The following ANGPT2 variants were observed in gnomAD, a reference collection of about 807,000 sequenced individuals.
ANGPT2 encodes the protein angiopoietin-2.
ANGPT2 carries 28 observed loss-of-function variants against 62.9 expected under a neutral mutation model. That is an observed-to-expected ratio of 0.44 (90% CI 0.33 to 0.61). The LOEUF (loss-of-function observed/expected upper bound fraction) is 0.61. Among genes scored for constraint, ANGPT2 ranks in the 20% least tolerant of loss-of-function variants. The pLI, the probability that ANGPT2 is intolerant of heterozygous loss-of-function variation, is 0.03. For missense variants in ANGPT2, 727 were observed against 594.9 expected, an observed-to-expected ratio of 1.22 and a Z score of -2.31; for synonymous variants, 284 against 207.8, an observed-to-expected ratio of 1.37 and a Z score of -3.15.
At chr8:6,561,216 G>A (rs776459400) in intron 1 of ANGPT2, among the ~76,000 whole-genome samples, 17 of 152,200 alleles carry the variant, frequency 1.1e-4, no homozygotes, top group Non-Finnish European at 2.1e-4. Flanking sequence ...TGGGAAAGGA[G>A]GGAAACTTAC....
chr8:6,546,731 G>C (rs1205188712), intron 1 of ANGPT2, among the ~76,000 whole-genome samples: 3 of 152,148 alleles, frequency 2.0e-5, no homozygotes, highest in African/African-American at 7.2e-5. Context: ...AACTAGCCTA[G>C]AAGCTTGCAC....
intron 3 of ANGPT2, among the ~76,000 whole-genome samples, 193 bp from the exon 4 acceptor site, chr8:6,521,603 T>C (rs1041783449): frequency 2.6e-5 from 4 of 152,204 alleles, no homozygotes; most frequent in Non-Finnish European, 4.4e-5. Context: ...TGTATATATG[T>C]AAACGTATAA....
chr8:6,544,333 C>T (rs960546474), intron 1 of ANGPT2, among the ~76,000 whole-genome samples: 10 of 152,122 alleles, frequency 6.6e-5, no homozygotes, highest in Admixed American at 1.3e-4. Flanking sequence ...GCACTGTGTT[C>T]CGTGATGATT....
intron 5 of ANGPT2, among the ~76,000 whole-genome samples, chr8:6,519,197 G>T (rs1351354285): frequency 6.6e-6 from 1 of 152,170 alleles, no homozygotes; most frequent in African/African-American, 2.4e-5. Context: ...GGTTCTCATG[G>T]TGTGGACCTC....
At chr8:6,535,966 A>G (rs1157462826) in intron 1 of ANGPT2, among the ~76,000 whole-genome samples, 2 of 152,010 alleles carry the variant, frequency 1.3e-5, no homozygotes, top group Non-Finnish European at 2.9e-5. Flanking sequence ...CTGAGGTGGG[A>G]GGACTGCTTG....
chr8:6,514,277 C>T (rs1815789944), intron 6 of ANGPT2, among the ~76,000 whole-genome samples: 1 of 152,180 alleles, frequency 6.6e-6, no homozygotes, highest in Non-Finnish European at 1.5e-5. Context: ...GCACCCTCTG[C>T]CTCCCAGGTT....
chr8:6,505,113 G>A (rs1236842526), intron 8 of ANGPT2, among the ~76,000 whole-genome samples: 1 of 89,944 alleles, frequency 1.1e-5, no homozygotes, highest in African/African-American at 3.5e-5. Flanking sequence ...GAATGGCACT[G>A]GCAGGTCCTC....
intron 1 of ANGPT2, among the ~76,000 whole-genome samples, chr8:6,558,891 T>C (rs1382924634): frequency 6.6e-6 from 1 of 152,170 alleles, no homozygotes; most frequent in Non-Finnish European, 1.5e-5. Context: ...TATCATACTA[T>C]ACATATACAT....
At chr8:6,520,406 G>A (rs1817090110) in intron 4 of ANGPT2, among the ~76,000 whole-genome samples, 1 of 152,030 alleles carries the variant, frequency 6.6e-6, no homozygotes, top group Non-Finnish European at 1.5e-5. Flanking sequence ...TGACCCCATT[G>A]CCTGCCCCTT....
At chr8:6,522,635 G>A (rs1022573688) in intron 3 of ANGPT2, among the ~76,000 whole-genome samples, 7 of 151,728 alleles carry the variant, frequency 4.6e-5, no homozygotes, top group Non-Finnish European at 7.4e-5. Flanking sequence ...TTAGCCAAGC[G>A]TGGGGGTACA....
chr8:6,539,923 C>G (rs575979827), intron 1 of ANGPT2, among the ~76,000 whole-genome samples: 63 of 152,298 alleles, frequency 4.1e-4, no homozygotes, highest in Non-Finnish European at 6.5e-4. Flanking sequence ...GATACTGTAT[C>G]TAGATAACCA....
In ANGPT2 at chr8:6,511,096, C is replaced by T. The variant is rs369565722; in HGVS notation, c.1197-2034G>A. ...TTGTCTCCTTTGAACATGTTTAGTT[C>T]TCATGGAACTTGTTAAATTATCCCC... On this transcript the variant is annotated intron_variant, in intron 7 of 8. Coordinates refer to ENST00000629816, the MANE Select transcript of ANGPT2 (RefSeq NM_001118887.2). Among the ~76,000 whole-genome samples the T allele has an allele frequency of 8.5e-4, 129 of 152,238 alleles. No homozygotes were observed. In the South Asian group the frequency reaches 0.023, roughly 27 times the overall value.
intron 1 of ANGPT2, among the ~76,000 whole-genome samples, chr8:6,543,506 G>A (rs1278479357): frequency 1.3e-5 from 2 of 152,198 alleles, no homozygotes; most frequent in African/African-American, 4.8e-5. Context: ...GTCGTGGGGA[G>A]CATCCAGCTC....
At position 6,500,016 on chromosome 8, in the gene ANGPT2, A is replaced by C. The variant is rs546024844; in HGVS notation, c.*3085T>G. 10 of 1,152,818 alleles carry C rather than the reference A, an allele frequency of 8.7e-6. No homozygotes were observed. The African/African-American group carries it at 1.4e-4, about 16-fold the overall frequency. 71.4% of individuals were successfully genotyped at this position (1,152,818 alleles called of 1,614,324 possible). ...AACATAAGGGTGGACTTAAGTTTTT[A>C]TCCAGTCAAGCACAATTATGCCCAT... On this transcript the variant is annotated 3_prime_UTR_variant, in exon 9 of 9. Transcript: ENST00000629816.
chr8:6,517,767 C>G (rs1481808714), intron 5 of ANGPT2, among the ~76,000 whole-genome samples: 1 of 152,174 alleles, frequency 6.6e-6, no homozygotes, highest in South Asian at 2.1e-4. Flanking sequence ...TTAAATGACT[C>G]GCCCAGAGCC....
intron 1 of ANGPT2, among the ~76,000 whole-genome samples, chr8:6,534,216 T>A (rs901816948): frequency 6.6e-5 from 10 of 151,700 alleles, no homozygotes; most frequent in African/African-American, 2.4e-4. Context: ...AAAAAAAAAA[T>A]AACAATACAA....
At position 6,523,119 on chromosome 8, in the gene ANGPT2, T is replaced by C. The variant is rs180881556; in HGVS notation, c.567-1709A>G. 5.6e-4 allele frequency among the ~76,000 whole-genome samples: 85 copies of C among 152,132 alleles called. 1 individual carries two copies. In the South Asian group the frequency reaches 6.2e-3, roughly 11 times the overall value. ...TTCAAGCTATTCTCCTGCCTCAGTC[T>C]CCCGAGTAGCTGGGACTACAGGCGC... On this transcript the variant is annotated intron_variant, in intron 3 of 8. Transcript: ENST00000629816.
Position 6,532,444 on chromosome 8 carries a change from T to A in ANGPT2, c.332A>T (p.Glu111Val). 1 of 1,614,070 alleles carries A rather than the reference T, an allele frequency of 6.2e-7. No individual in the cohort carries two copies. The highest frequency in any genetic ancestry group is 8.5e-7 in the Non-Finnish European group (1 of 1,179,964). The change falls in exon 2 of 9, where the codon GAG becomes GTG. Residue 111 changes from glutamate to valine, a missense_variant. Physicochemically the swap from Glu to Val is moderately radical, Grantham distance 121. Transcript: ENST00000629816. ...GTTCTGTACTGCATTCTGCTGTATC[T>A]CTACCATTTCTTTCTTCATGTTGTC... ...IQDNMKKEMVEIQQNAVQNQT... is the reference protein window; with the variant it reads ...IQDNMKKEMVVIQQNAVQNQT...
At chr8:6,516,634 A>G (rs1390499429) in intron 5 of ANGPT2, among the ~76,000 whole-genome samples, 3 of 152,244 alleles carry the variant, frequency 2.0e-5, no homozygotes, top group East Asian at 3.8e-4. Flanking sequence ...AATCTATTTC[A>G]TAAACCAGCT....
Sources: allele counts gnomAD v4.1 joint callset (sites outside exome capture counted in the v4.1 genomes callset), GRCh38; gene constraint gnomAD v4.1.1; transcripts MANE v1.5; gene names NCBI Gene and HGNC (gene_info 2026-07-23, HGNC 2026-07-21).